The following RAB27B variants were observed in gnomAD, a reference collection of about 807,000 sequenced individuals.
RAB27B encodes ras-related protein Rab-27B.
In RAB27B, 15 loss-of-function variants were observed where a neutral mutation model predicts 24.6. That is an observed-to-expected ratio of 0.61 (90% confidence interval 0.41 to 0.94). The LOEUF (loss-of-function observed/expected upper bound fraction) is 0.94, where lower values mean the gene tolerates loss of function less well. Ranked by LOEUF, RAB27B falls within the 40% of genes least tolerant of loss-of-function variation. RAB27B has a pLI of 0.00. For synonymous variants in RAB27B, 105 were observed against 92.5 expected, an observed-to-expected ratio of 1.14 and a Z score of -0.78; for missense variants, 261 against 266.8, an observed-to-expected ratio of 0.98 and a Z score of 0.15.
chr18:54,820,238 A>C (rs1216425803), intron 2 of RAB27B, among the ~76,000 whole-genome samples: 5 of 152,190 alleles, frequency 3.3e-5, no homozygotes, highest in Non-Finnish European at 5.9e-5. Context: ...TCCCACCAAC[A>C]GTGTAAAAGT....
intron 2 of RAB27B, among the ~76,000 whole-genome samples, chr18:54,745,836 T>G (rs1032858785): frequency 1.1e-4 from 16 of 146,426 alleles, no homozygotes; most frequent in African/African-American, 3.9e-4. Context: ...ATTTATTATA[T>G]TATATATTAT....
chr18:54,797,341 A>G (rs895240636), intron 2 of RAB27B, among the ~76,000 whole-genome samples: 1 of 152,130 alleles, frequency 6.6e-6, no homozygotes, highest in Non-Finnish European at 1.5e-5. Flanking sequence ...GCCTGGCAAC[A>G]TGGTGATACC....
At chr18:54,772,348 A>C (rs1358093572) in intron 2 of RAB27B, among the ~76,000 whole-genome samples, 1 of 152,222 alleles carries the variant, frequency 6.6e-6, no homozygotes, top group Non-Finnish European at 1.5e-5. Flanking sequence ...ACAAAGTGGC[A>C]CACTTTATTC....
At chr18:54,887,093 C>G (rs1437275587) in intron 4 of RAB27B, among the ~76,000 whole-genome samples, 1 of 140,570 alleles carries the variant, frequency 7.1e-6, no homozygotes, top group Non-Finnish European at 1.5e-5. Flanking sequence ...CTCTCCTCCC[C>G]CCTCCGCCCA....
At chr18:54,778,164 T>C (rs1272212666) in intron 2 of RAB27B, among the ~76,000 whole-genome samples, 1 of 152,236 alleles carries the variant, frequency 6.6e-6, no homozygotes, top group Non-Finnish European at 1.5e-5. Context: ...TCATAAATAA[T>C]ATAATCGCCA....
rs558054341 is a variant in RAB27B, at chr18:54,867,834, A to G, written c.-19-9733A>G. Reference sequence around the variant, plus strand: ...ACATGAAGTGGGGGAAGCAAGATTCAGTAGGAATCCATGAGAGAAAATGAG... The same window carrying G: ...ACATGAAGTGGGGGAAGCAAGATTCGGTAGGAATCCATGAGAGAAAATGAG... On this transcript the variant is annotated intron_variant, in intron 1 of 5. Transcript: ENST00000262094. Among the ~76,000 whole-genome samples the G allele has an allele frequency of 2.6e-5, 4 of 152,306 alleles. No individual in the cohort carries two copies. The East Asian group carries it at 5.8e-4, about 22-fold the overall frequency.
rs1908980504 is a variant in RAB27B at position 54,783,481 on chromosome 18, T to TG, written c.-20+65340_-20+65341insG. Among the ~76,000 whole-genome samples, 634 of 149,782 alleles carry TG rather than the reference T, an allele frequency of 4.2e-3. 8 individuals carry two copies. Among genetic ancestry groups the TG allele is most frequent in the African/African-American group, 0.013 (538 of 40,802 alleles). ...AATGTTAATTATGAAGCCTATGGCT[T>TG]TGTGTGTGTGTGTGTGTGTGTGTGT... On this transcript the variant is annotated intron_variant, in intron 2 of 4. Coordinates refer to the RAB27B transcript ENST00000586570.
At chr18:54,765,194 C>G (rs974848031) in intron 2 of RAB27B, among the ~76,000 whole-genome samples, 1 of 152,032 alleles carries the variant, frequency 6.6e-6, no homozygotes, top group African/African-American at 2.4e-5. Flanking sequence ...CTTAAATTCC[C>G]CCAATTCAGT....
At chr18:54,803,049 G>T (rs531937631) in intron 2 of RAB27B, among the ~76,000 whole-genome samples, 1 of 152,224 alleles carries the variant, frequency 6.6e-6, no homozygotes, top group Admixed American at 6.5e-5. Context: ...TGAAATACAT[G>T]AGTGAAAAAA....
intron 1 of RAB27B, among the ~76,000 whole-genome samples, chr18:54,838,931 G>A (rs1346722795): frequency 1.3e-5 from 2 of 151,868 alleles, no homozygotes; most frequent in African/African-American, 4.8e-5. Flanking sequence ...TTTTTCTTGT[G>A]TTTTGTTAGT....
chr18:54,757,245 AG>A (rs1270838903), intron 2 of RAB27B, among the ~76,000 whole-genome samples: 5 of 152,196 alleles, frequency 3.3e-5, no homozygotes, highest in Non-Finnish European at 7.3e-5. Flanking sequence ...GGACCCTGGG[AG>A]CCCATGGATT....
intron 2 of RAB27B, among the ~76,000 whole-genome samples, chr18:54,815,999 A>C (rs1277189268): frequency 2.0e-5 from 3 of 152,206 alleles, no homozygotes; most frequent in Non-Finnish European, 4.4e-5. Context: ...CAATGTGAAC[A>C]TTTATCAGGT....
At position 54,759,241 on chromosome 18, in the gene RAB27B, T is replaced by A. The variant is rs188956215; in HGVS notation, c.-20+41100T>A. Among the ~76,000 whole-genome samples the A allele has an allele frequency of 2.7e-3, 410 of 152,298 alleles. 3 individuals carry two copies. The Middle Eastern group carries it at 0.027, about 10-fold the overall frequency. ...CTGATGATCCTTCATACATGAAGTC[T>A]TTCCTGATTTCTCCCAAACCTGATA... On this transcript the variant is annotated intron_variant, in intron 2 of 4. Transcript: ENST00000586570.
intron 2 of RAB27B, among the ~76,000 whole-genome samples, chr18:54,750,464 A>C (rs1415943102): frequency 6.6e-6 from 1 of 152,174 alleles, no homozygotes; most frequent in African/African-American, 2.4e-5. Context: ...TCACTGATAC[A>C]ACACCTATTC....
At position 54,767,971 on chromosome 18, in the gene RAB27B, G is replaced by A. The variant is rs193062949; in HGVS notation, c.-20+49830G>A. Among the ~76,000 whole-genome samples, 13 of 152,262 alleles carry A rather than the reference G, an allele frequency of 8.5e-5. 1 individual carries two copies. The highest frequency in any genetic ancestry group is 8.5e-4 in the Admixed American group (13 of 15,282). On this transcript the variant is annotated intron_variant, in intron 2 of 4. Coordinates refer to the RAB27B transcript ENST00000586570. ...TGATCAGGGATATAGTAATAAATAAGAGATAGTCCCTTCTTCCAAGAATCT... is the reference window on the plus strand; with the variant it reads ...TGATCAGGGATATAGTAATAAATAAAAGATAGTCCCTTCTTCCAAGAATCT...
In RAB27B at chr18:54,867,446, T is replaced by TCTTTTC. The variant is rs1555666341; in HGVS notation, c.-19-10121_-19-10120insCTTTTC. Among the ~76,000 whole-genome samples the TCTTTTC allele has an allele frequency of 1.8e-3, 158 of 88,354 alleles. 1 individual carries two copies. Among genetic ancestry groups the TCTTTTC allele is most frequent in the Middle Eastern group, 0.014 (3 of 208 alleles). 58.0% of individuals were successfully genotyped at this position (88,354 alleles called of 152,430 possible). A position where few individuals can be genotyped will look rare whatever the true frequency, so the allele number is the denominator to read the frequency against. ...TGCTTTCTTTTCTTTTCTTTTCTTTTTTTTTTTTTTTTTTTTCTGAGATGG... is the reference window on the plus strand; with the variant it reads ...TGCTTTCTTTTCTTTTCTTTTCTTTTCTTTTCTTTTTTTTTTTTTTTTCTGAGATGG... On this transcript the variant is annotated intron_variant, in intron 1 of 5. Transcript: ENST00000262094.
chr18:54,812,809 G>C (rs1235397999), intron 2 of RAB27B, among the ~76,000 whole-genome samples: 1 of 151,956 alleles, frequency 6.6e-6, no homozygotes. Flanking sequence ...ATATATACAA[G>C]CACACATATA....
intron 2 of RAB27B, among the ~76,000 whole-genome samples, chr18:54,738,565 G>A (rs1357195821): frequency 6.6e-6 from 1 of 152,066 alleles, no homozygotes; most frequent in Non-Finnish European, 1.5e-5. Flanking sequence ...ATGCAGAACT[G>A]TGAGTCAATT....
At position 54,892,250 on chromosome 18, in the gene RAB27B, G is replaced by A. The variant is rs1025307021; in HGVS notation, c.*2837G>A. 1 of 151,980 alleles carries A rather than the reference G, an allele frequency of 6.6e-6. No individual in the cohort carries two copies. The highest frequency in any genetic ancestry group is 1.5e-5 in the Non-Finnish European group (1 of 67,956). 9.4% of individuals were successfully genotyped at this position (151,980 alleles called of 1,614,324 possible). On this transcript the variant is annotated 3_prime_UTR_variant, in exon 6 of 6. Coordinates refer to ENST00000262094, the MANE Select transcript of RAB27B (RefSeq NM_004163.4). ...AAACCATTTCTGGAGTATTTACACT[G>A]GTTTGATGTTTACATTGCTCTAACT...
Sources: allele counts gnomAD v4.1 joint callset (sites outside exome capture counted in the v4.1 genomes callset), GRCh38; gene constraint gnomAD v4.1.1; transcripts MANE v1.5; gene names NCBI Gene and HGNC (gene_info 2026-07-23, HGNC 2026-07-21).